PPP4R2: variants seen among roughly 807,000 people sequenced by gnomAD.
PPP4R2 encodes the protein serine/threonine-protein phosphatase 4 regulatory subunit 2.
Under a neutral mutation model 47.2 loss-of-function variants are expected in PPP4R2, and 13 were observed. The observed-to-expected ratio is 0.28, with a 90% CI of 0.18 to 0.44. PPP4R2 has a LOEUF of 0.44. Among genes scored for constraint, PPP4R2 ranks in the 20% least tolerant of loss-of-function variants. The pLI, the probability that PPP4R2 is intolerant of heterozygous loss-of-function variation, is 1.00. For synonymous variants in PPP4R2, 151 were observed against 163.3 expected, an observed-to-expected ratio of 0.92 and a Z score of 0.57; for missense variants, 421 against 491.2, an observed-to-expected ratio of 0.86 and a Z score of 1.35.
At chr3:73,020,945 A>G (rs1701947696) in intron 2 of PPP4R2, among the ~76,000 whole-genome samples, 1 of 152,098 alleles carries the variant, frequency 6.6e-6, no homozygotes, top group Admixed American at 6.6e-5. Flanking sequence ...GGCTCCAAGT[A>G]CTATCATATT....
chr3:73,002,783 A>C (rs949454993), intron 2 of PPP4R2, among the ~76,000 whole-genome samples: 2 of 150,302 alleles, frequency 1.3e-5, no homozygotes, highest in Non-Finnish European at 3.0e-5. Flanking sequence ...CTGGGATTAC[A>C]GGCATGCGCC....
In PPP4R2 at chr3:73,067,007, C is replaced by G. The variant is rs1703009583; in HGVS notation, c.*1285C>G. On this transcript the variant is annotated 3_prime_UTR_variant, in exon 9 of 9. Coordinates refer to ENST00000356692, the MANE Select transcript of PPP4R2 (RefSeq NM_174907.4). Reference sequence around the variant, plus strand: ...AAATTACTGGCTGCCAAATTTATACCTGTTTCTTCAGCTGTACCTTTTGAT... The same window carrying G: ...AAATTACTGGCTGCCAAATTTATACGTGTTTCTTCAGCTGTACCTTTTGAT... 1.3e-5 allele frequency: 2 copies of G among 152,024 alleles called. No homozygotes were observed. Among genetic ancestry groups the G allele is most frequent in the African/African-American group, 4.8e-5 (2 of 41,404 alleles). The allele number at this position is 152,024 out of a possible 1,614,324, so 9.4% of individuals were successfully genotyped here.
intron 2 of PPP4R2, among the ~76,000 whole-genome samples, chr3:73,008,463 C>A (rs553090084): frequency 6.6e-6 from 1 of 152,264 alleles, no homozygotes; most frequent in African/African-American, 2.4e-5. Context: ...CAAATAAGCT[C>A]ATGTTTTCCA....
At chr3:73,029,807 G>A (rs1702135224) in intron 2 of PPP4R2, among the ~76,000 whole-genome samples, 1 of 152,116 alleles carries the variant, frequency 6.6e-6, no homozygotes. Context: ...AACCAGAAAA[G>A]GAAAATGAAC....
intron 3 of PPP4R2, among the ~76,000 whole-genome samples, chr3:73,051,894 G>A (rs1213658355): frequency 1.3e-5 from 2 of 152,184 alleles, no homozygotes; most frequent in African/African-American, 4.8e-5. Flanking sequence ...CAAAGTGCTG[G>A]GATTACAGGC....
At chr3:73,024,552 A>T (rs4677231) in intron 2 of PPP4R2, among the ~76,000 whole-genome samples, 4 of 152,030 alleles carry the variant, frequency 2.6e-5, no homozygotes, top group South Asian at 2.1e-4. Flanking sequence ...GAATTAATTT[A>T]GTAGTCTCAC....
In PPP4R2 at chr3:73,040,312, T is replaced by G. The variant is rs369286415; in HGVS notation, c.117-6874T>G. Among the ~76,000 whole-genome samples, 10 of 152,302 alleles carry G rather than the reference T, an allele frequency of 6.6e-5. 1 individual carries two copies. The highest frequency in any genetic ancestry group is 2.4e-4 in the African/African-American group (10 of 41,574). On this transcript the variant is annotated intron_variant, in intron 2 of 8. Transcript: ENST00000356692. ...TGACACTACAAAGTATGGTACATGG[T>G]GTCTGGGGAGTTTCTGAAGGTTGAA...
intron 3 of PPP4R2, among the ~76,000 whole-genome samples, chr3:73,051,273 T>A (rs942378347): frequency 1.3e-5 from 2 of 152,244 alleles, no homozygotes; most frequent in African/African-American, 4.8e-5. Flanking sequence ...TATGAACACT[T>A]AATTTTCAGT....
chr3:73,049,797 CATAA>C (rs1458462406), intron 3 of PPP4R2, among the ~76,000 whole-genome samples: 1 of 150,578 alleles, frequency 6.6e-6, no homozygotes, highest in Non-Finnish European at 1.5e-5. Flanking sequence ...TTATTTATTA[CATAA>C]ATCTAAATAT....
At chr3:72,998,421 A>G (rs1487460756) in intron 2 of PPP4R2, among the ~76,000 whole-genome samples, 1 of 152,208 alleles carries the variant, frequency 6.6e-6, no homozygotes, top group African/African-American at 2.4e-5. Flanking sequence ...AGAATGTATT[A>G]GTCTTAACGA....
chr3:73,043,105 T>A (rs1702412476), intron 2 of PPP4R2, among the ~76,000 whole-genome samples: 1 of 152,136 alleles, frequency 6.6e-6, no homozygotes, highest in Non-Finnish European at 1.5e-5. Flanking sequence ...TATGAATTGG[T>A]GATTATTAAA....
At chr3:73,053,000 GTT>G (rs1702651848) in intron 3 of PPP4R2, among the ~76,000 whole-genome samples, 1 of 152,222 alleles carries the variant, frequency 6.6e-6, no homozygotes. Context: ...CAGTTTGTGT[GTT>G]GTTTGCTTTA....
At chr3:73,047,488 GTAGT>G (rs1200777085) in intron 3 of PPP4R2, 132 bp downstream of exon 3, 2 of 552,936 alleles carry the variant, frequency 3.6e-6, no homozygotes, top group Non-Finnish European at 6.0e-6. Context: ...GTGACATGTA[GTAGT>G]TGATGATTTT....
At chr3:73,029,249 A>C (rs980929303) in intron 2 of PPP4R2, among the ~76,000 whole-genome samples, 2 of 152,252 alleles carry the variant, frequency 1.3e-5, no homozygotes, top group African/African-American at 4.8e-5. Context: ...CTAGTATTAC[A>C]GAGTTTTGAG....
At chr3:73,040,055 A>G (rs1702345033) in intron 2 of PPP4R2, among the ~76,000 whole-genome samples, 1 of 152,186 alleles carries the variant, frequency 6.6e-6, no homozygotes, top group Admixed American at 6.5e-5. Context: ...TCTGTCTCCA[A>G]AAGAAAAAAG....
intron 2 of PPP4R2, among the ~76,000 whole-genome samples, chr3:73,002,663 A>G (rs1701500457): frequency 2.5e-5 from 1 of 39,468 alleles, no homozygotes; most frequent in African/African-American, 1.1e-4. Context: ...TTTTTTTGAG[A>G]CGGAGTCTCG....
chr3:73,062,687 C>T, intron 5 of PPP4R2: 1 of 1,613,918 alleles, frequency 6.2e-7, no homozygotes, highest in Non-Finnish European at 8.5e-7. Flanking sequence ...ATAAGATTTG[C>T]ACCAGCAGTC....
chr3:73,035,621 C>T (rs1455875427), intron 2 of PPP4R2, among the ~76,000 whole-genome samples: 1 of 152,028 alleles, frequency 6.6e-6, no homozygotes, highest in Non-Finnish European at 1.5e-5. Flanking sequence ...GATACCTGCA[C>T]TTTCTTTTTT....
At chr3:73,061,148 AATTT>A (rs1005021018) in intron 5 of PPP4R2, 88 bp downstream of exon 5, 15 of 566,196 alleles carry the variant, frequency 2.6e-5, no homozygotes, top group Non-Finnish European at 4.0e-5. Context: ...AAATAGACTG[AATTT>A]ATTTAATATG....
Sources: gnomAD v4.1 joint callset for allele counts (sites outside exome capture counted in the v4.1 genomes callset) on GRCh38, gnomAD v4.1.1 for gene constraint, MANE v1.5 for transcripts, NCBI Gene and HGNC (gene_info 2026-07-23, HGNC 2026-07-21) for gene names.